TRIP12: variants seen among roughly 807,000 people sequenced by gnomAD.
The protein encoded by TRIP12 is thyroid hormone receptor interactor 12, also known as E3 ubiquitin-protein ligase TRIP12.
A neutral mutation model predicts 244.2 loss-of-function variants in TRIP12; 25 were observed. That is an observed-to-expected ratio of 0.10 (90% CI 0.07 to 0.14). The LOEUF (loss-of-function observed/expected upper bound fraction) is 0.14. Ranked by LOEUF, TRIP12 falls within the 10% of genes least tolerant of loss-of-function variation. The pLI is 1.00. For synonymous variants in TRIP12, 905 were observed against 873.1 expected (o/e 1.04, Z -0.64); for missense variants, 1,677 against 2,486.4 (o/e 0.67, Z 6.92).
intron 21 of TRIP12, among the ~76,000 whole-genome samples, chr2:229,800,294 G>T (rs571820863): frequency 6.6e-6 from 1 of 152,004 alleles, no homozygotes; most frequent in Non-Finnish European, 1.5e-5. Flanking sequence ...AATTTATTCT[G>T]AATTAGAATC....
chr2:229,818,260 C>G lies in TRIP12; in HGVS notation c.1599+104G>C, dbSNP rs547648290. The G allele has an allele frequency of 1.0e-5, 13 of 1,263,078 alleles. No individual in the cohort carries two copies. In the South Asian group the frequency reaches 1.6e-4, roughly 16 times the overall value. 78.2% of individuals were successfully genotyped at this position (1,263,078 alleles called of 1,614,324 possible). A position where few individuals can be genotyped will look rare whatever the true frequency, so the allele number is the denominator to read the frequency against. On this transcript the variant is annotated intron_variant, in intron 9 of 41. Coordinates refer to ENST00000675903, the MANE Select transcript of TRIP12 (RefSeq NM_001348323.3). ...TCATATACTCCTCTCTTAACTCTAT[C>G]ATGTTTTAAAAATTAATAATGACAA...
At chr2:229,800,753 T>C (rs959752741) in intron 21 of TRIP12, among the ~76,000 whole-genome samples, 3 of 152,106 alleles carry the variant, frequency 2.0e-5, no homozygotes, top group African/African-American at 7.2e-5. Flanking sequence ...ACTCCTTAAA[T>C]TAAAATGGCT....
chr2:229,818,527 A>G lies in TRIP12; in HGVS notation c.1451-15T>C. ...GGCCTTAGAACCTTTAGAGAAAAAA[A>G]TAATTATTATCTTTAAACATTTAAG... On this transcript the variant is annotated splice_polypyrimidine_tract_variant and intron_variant, in intron 8 of 41. Transcript: ENST00000675903. 5 of 1,608,604 alleles carry G rather than the reference A, an allele frequency of 3.1e-6. No individual in the cohort carries two copies. The highest frequency in any genetic ancestry group is 4.2e-6 in the Non-Finnish European group (5 of 1,177,534).
chr2:229,814,436 T>A lies in TRIP12; in HGVS notation c.1732-111A>T, dbSNP rs192095382. 353 of 972,668 alleles carry A rather than the reference T, an allele frequency of 3.6e-4. No homozygotes were observed. In the African/African-American group the frequency reaches 4.7e-3, roughly 13 times the overall value. The allele number at this position is 972,668 out of a possible 1,614,324, so 60.3% of individuals were successfully genotyped here. A position where few individuals can be genotyped will look rare whatever the true frequency, so the allele number is the denominator to read the frequency against. On this transcript the variant is annotated intron_variant, in intron 11 of 41. Coordinates refer to ENST00000675903, the MANE Select transcript of TRIP12 (RefSeq NM_001348323.3). ...ATCCATGTATACTATCTCTAACATG[T>A]AACCCACCATAGGATGCAAGTCACT...
chr2:229,791,307 C>A, intron 29 of TRIP12, 56 bp from the exon 30 acceptor site: 1 of 1,597,642 alleles, frequency 6.3e-7, no homozygotes, highest in South Asian at 1.1e-5. Flanking sequence ...TGATACAAAG[C>A]CAAAATCTAA....
At chr2:229,915,126 A>G (rs1213110849) in intron 1 of TRIP12, among the ~76,000 whole-genome samples, 2 of 152,108 alleles carry the variant, frequency 1.3e-5, no homozygotes, top group East Asian at 3.9e-4. Flanking sequence ...GGTGGCAGGC[A>G]CCTGTATCCC....
intron 4 of TRIP12, among the ~76,000 whole-genome samples, chr2:229,850,957 C>T (rs1031822624): frequency 6.6e-5 from 10 of 152,286 alleles, no homozygotes; most frequent in Admixed American, 6.5e-5. Flanking sequence ...CTTCCCGCAG[C>T]GCAGGCCTCG....
intron 4 of TRIP12, among the ~76,000 whole-genome samples, chr2:229,853,487 G>C (rs503642): frequency 0.82 from 124,548 of 151,998 alleles, 51,392 homozygotes; most frequent in East Asian, 0.91. Context: ...TGGCAAAACC[G>C]CATCTCTACT....
chr2:229,792,134 T>C lies in TRIP12; in HGVS notation c.4215+19A>G. 6.2e-7 allele frequency: 1 copy of C among 1,614,068 alleles called. No individual in the cohort carries two copies. Among genetic ancestry groups the C allele is most frequent in the Non-Finnish European group, 8.5e-7 (1 of 1,179,960 alleles). On this transcript the variant is annotated intron_variant, in intron 28 of 41. Coordinates refer to ENST00000675903, the MANE Select transcript of TRIP12 (RefSeq NM_001348323.3). ...ACTTTATATAGTACATTATACATGG[T>C]GGGAATATAGTACCTTACCAGAGAC...
Position 229,840,808 on chromosome 2 carries a change from A to C in TRIP12, c.1133+14T>G, listed in dbSNP as rs1189869322. 6.4e-6 allele frequency: 10 copies of C among 1,555,912 alleles called. No individual in the cohort carries two copies. The highest frequency in any genetic ancestry group is 2.3e-5 in the East Asian group (1 of 44,172). ...TAAAAATGAACTCACTATAAAAAAA[A>C]AAAAACAAATTACCTGGTACTAGCA... On this transcript the variant is annotated intron_variant, in intron 5 of 41. Coordinates refer to ENST00000675903, the MANE Select transcript of TRIP12 (RefSeq NM_001348323.3).
intron 34 of TRIP12, among the ~76,000 whole-genome samples, chr2:229,782,007 C>T (rs1005148565): frequency 2.6e-5 from 4 of 152,070 alleles, no homozygotes; most frequent in Non-Finnish European, 4.4e-5. Context: ...TTAGGTTTCA[C>T]GCAAGATGCA....
At chr2:229,855,603 T>TAAAAAAAAAAAAAAAAAAAAAAAAA (rs1166000961) in intron 4 of TRIP12, among the ~76,000 whole-genome samples, 1 of 88,676 alleles carries the variant, frequency 1.1e-5, no homozygotes, top group African/African-American at 3.8e-5. Flanking sequence ...AACAAGGGTT[T>TAAAAAAAAAAAAAAAAAAAAAAAAA]AAAAAAAAAA....
chr2:229,888,824 T>C (rs745535046), intron 1 of TRIP12, among the ~76,000 whole-genome samples: 6 of 146,872 alleles, frequency 4.1e-5, no homozygotes, highest in Admixed American at 6.8e-5. Flanking sequence ...CAAAAGAAAA[T>C]GTTGAGAGCT....
intron 2 of TRIP12, among the ~76,000 whole-genome samples, chr2:229,876,276 CAACAA>C (rs948203016): frequency 2.6e-5 from 4 of 151,924 alleles, no homozygotes; most frequent in South Asian, 4.1e-4. Context: ...AACTCCATCT[CAACAA>C]AACAAAACAA....
chr2:229,921,739 A>T (rs975761872), intron 1 of TRIP12, 141 bp downstream of exon 1: 1 of 151,690 alleles, frequency 6.6e-6, no homozygotes, highest in Non-Finnish European at 1.5e-5. Flanking sequence ...GAGCAGGCCA[A>T]GCGGGGGCCG....
intron 21 of TRIP12, among the ~76,000 whole-genome samples, chr2:229,799,910 T>C (rs1022130399): frequency 2.0e-5 from 3 of 152,224 alleles, no homozygotes; most frequent in Non-Finnish European, 4.4e-5. Flanking sequence ...TGTTTAACTA[T>C]ACTGAACTAT....
rs189944164 is a variant in TRIP12, at chr2:229,888,196, T to C, written c.-49-8068A>G. 1.6e-4 allele frequency among the ~76,000 whole-genome samples: 24 copies of C among 152,296 alleles called. 1 individual carries two copies. Among genetic ancestry groups the C allele is most frequent in the African/African-American group, 5.8e-4 (24 of 41,556 alleles). Reference sequence around the variant, plus strand: ...GATACACATGAGCAGAAAGAGTACATTTAGTGTTAATCATATAAAACCTGA... The same window carrying C: ...GATACACATGAGCAGAAAGAGTACACTTAGTGTTAATCATATAAAACCTGA... On this transcript the variant is annotated intron_variant, in intron 1 of 41. Coordinates refer to ENST00000675903, the MANE Select transcript of TRIP12 (RefSeq NM_001348323.3).
At chr2:229,886,420 C>T (rs1399288477) in intron 1 of TRIP12, among the ~76,000 whole-genome samples, 1 of 151,912 alleles carries the variant, frequency 6.6e-6, no homozygotes, top group Admixed American at 6.6e-5. Flanking sequence ...GGCATCAAAA[C>T]CATTTGAATG....
intron 6 of TRIP12, among the ~76,000 whole-genome samples, chr2:229,834,784 A>G (rs1198255387): frequency 6.6e-6 from 1 of 152,102 alleles, no homozygotes; most frequent in Non-Finnish European, 1.5e-5. Flanking sequence ...AAAAGAATGC[A>G]CAGGAGTCTG....
Sources: allele counts gnomAD v4.1 joint callset (sites outside exome capture counted in the v4.1 genomes callset), GRCh38; gene constraint gnomAD v4.1.1; transcripts MANE v1.5; gene names NCBI Gene and HGNC (gene_info 2026-07-23, HGNC 2026-07-21).